Variants in NDST4 observed in about 807,000 individuals in gnomAD.
NDST4 encodes the protein N-heparan sulfate sulfotransferase 4.
A neutral mutation model predicts 100.8 loss-of-function variants in NDST4; 63 were observed. The observed-to-expected ratio is 0.62, with a 90% confidence interval of 0.51 to 0.77. NDST4 has a LOEUF of 0.77. Among genes scored for constraint, NDST4 ranks in the 30% least tolerant of loss-of-function variants. The pLI, the probability that NDST4 is intolerant of heterozygous loss-of-function variation, is 0.00. For synonymous variants in NDST4, 377 were observed against 361.8 expected (o/e 1.04, Z -0.48); for missense variants, 943 against 1,018.4 (o/e 0.93, Z 1.01).
At chr4:114,923,136 T>C (rs1178827008) in intron 6 of NDST4, among the ~76,000 whole-genome samples, 5 of 152,226 alleles carry the variant, frequency 3.3e-5, no homozygotes, top group Non-Finnish European at 7.3e-5. Flanking sequence ...TCACCATTAT[T>C]TAGCATTTAC....
intron 2 of NDST4, among the ~76,000 whole-genome samples, chr4:114,998,544 A>G (rs1727214549): frequency 6.6e-6 from 1 of 152,096 alleles, no homozygotes; most frequent in African/African-American, 2.4e-5. Context: ...AAGAAAACAG[A>G]TTCTGGGCAA....
intron 7 of NDST4, among the ~76,000 whole-genome samples, chr4:114,857,917 A>G (rs1010273718): frequency 6.6e-6 from 1 of 152,064 alleles, no homozygotes; most frequent in Non-Finnish European, 1.5e-5. Flanking sequence ...TGTATTATAC[A>G]TTAATGTACA....
intron 6 of NDST4, among the ~76,000 whole-genome samples, chr4:114,933,432 C>CTTTTTTTTT (rs367931653): frequency 9.0e-5 from 8 of 89,246 alleles, no homozygotes; most frequent in African/African-American, 2.3e-4. Context: ...TTTTCTTTTC[C>CTTTTTTTTT]TTTTTTTTTT....
intron 2 of NDST4, among the ~76,000 whole-genome samples, chr4:115,039,658 C>T (rs1728307866): frequency 6.6e-6 from 1 of 152,030 alleles, no homozygotes; most frequent in African/African-American, 2.4e-5. Flanking sequence ...TACACCATGT[C>T]CCATGTCTCT....
At chr4:114,981,220 A>T (rs772877560) in intron 2 of NDST4, among the ~76,000 whole-genome samples, 3 of 25,274 alleles carry the variant, frequency 1.2e-4, no homozygotes, top group African/African-American at 6.1e-4. Context: ...AAAGGATGGA[A>T]GGAAGGAAGG....
chr4:114,951,181 T>G (rs1725981764), intron 4 of NDST4, among the ~76,000 whole-genome samples: 1 of 152,120 alleles, frequency 6.6e-6, no homozygotes, highest in African/African-American at 2.4e-5. Context: ...TTTCAAAGAT[T>G]CACGTGTTCA....
rs796235650 is a variant in NDST4, at chr4:114,924,456, G to GA, written c.1536+10749dup. Among the ~76,000 whole-genome samples, 143 of 142,856 alleles carry GA rather than the reference G, an allele frequency of 1.0e-3. No homozygotes were observed. The Middle Eastern group carries it at 0.015, about 15-fold the overall frequency. 93.7% of individuals were successfully genotyped at this position (142,856 alleles called of 152,430 possible). ...ATAGAAAAAAAAAAAGAAGATAAAG[G>GA]AAAAAAAAAAAGGTGACTGTAGGTC... is the stretch of plus-strand genomic sequence containing the variant. On this transcript the variant is annotated intron_variant, in intron 6 of 13. Coordinates refer to ENST00000264363, the MANE Select transcript of NDST4 (RefSeq NM_022569.3).
chr4:114,961,635 C>T (rs11098276), intron 4 of NDST4, among the ~76,000 whole-genome samples: 90,643 of 151,766 alleles, frequency 0.6, 27,885 homozygotes, highest in Non-Finnish European at 0.68. Flanking sequence ...CTGAAATTGA[C>T]TCAAATGGAG....
In NDST4 at chr4:115,019,693, A is replaced by G. The variant is rs1727766827; in HGVS notation, c.979-42419T>C. Reference sequence around the variant, plus strand: ...CCTCAAAAACCCATGTTGCAATTTAATTACCATTGTAATGGAATAAAGGAT... The same window carrying G: ...CCTCAAAAACCCATGTTGCAATTTAGTTACCATTGTAATGGAATAAAGGAT... On this transcript the variant is annotated intron_variant, in intron 2 of 13. Transcript: ENST00000264363. 2.0e-5 allele frequency among the ~76,000 whole-genome samples: 3 copies of G among 152,154 alleles called. No homozygotes were observed. In the South Asian group the frequency reaches 6.2e-4, roughly 32 times the overall value.
chr4:115,012,456 G>T lies in NDST4; in HGVS notation c.979-35182C>A, dbSNP rs1032050039. On this transcript the variant is annotated intron_variant, in intron 2 of 13. Transcript: ENST00000264363. ...GTAAAACTATCATTCCAACACCATG[G>T]CTTAAGTGACCTCACTTGTGCTCTT... Among the ~76,000 whole-genome samples the T allele has an allele frequency of 2.0e-5, 3 of 151,838 alleles. No individual in the cohort carries two copies. The South Asian group carries it at 6.2e-4, about 32-fold the overall frequency.
intron 2 of NDST4, among the ~76,000 whole-genome samples, chr4:115,025,823 A>G (rs576889195): frequency 2.0e-5 from 3 of 152,186 alleles, no homozygotes; most frequent in African/African-American, 7.2e-5. Context: ...TCCAAGGTAC[A>G]TATCTATGCG....
chr4:114,833,439 T>C, intron 12 of NDST4, among the ~76,000 whole-genome samples, 167 bp downstream of exon 12: 1 of 152,232 alleles, frequency 6.6e-6, no homozygotes. Context: ...TTCTCATATT[T>C]AAAAGAGAAA....
At chr4:114,879,248 C>A (rs1172810391) in intron 6 of NDST4, among the ~76,000 whole-genome samples, 2 of 152,102 alleles carry the variant, frequency 1.3e-5, no homozygotes, top group South Asian at 2.1e-4. Context: ...CCAGGCTGTG[C>A]AATAGGAAAC....
intron 12 of NDST4, among the ~76,000 whole-genome samples, chr4:114,833,139 C>A (rs993597297): frequency 6.6e-6 from 1 of 152,224 alleles, no homozygotes; most frequent in African/African-American, 2.4e-5. Context: ...CAATAAATAG[C>A]TGGAACAGTA....
intron 12 of NDST4, 125 bp from the exon 13 acceptor site, chr4:114,830,017 G>T (rs754750885): frequency 1.0e-5 from 7 of 688,424 alleles, no homozygotes; most frequent in Non-Finnish European, 1.7e-5. Context: ...CATTTTTACA[G>T]ATATTTATTT....
chr4:115,014,788 A>G (rs112653552), intron 2 of NDST4, among the ~76,000 whole-genome samples: 10,421 of 152,012 alleles, frequency 0.069, 1,161 homozygotes, highest in African/African-American at 0.23. Flanking sequence ...TAACTACTCT[A>G]CTTTTGGAAA....
At chr4:115,094,627 G>A (rs1729584862) in intron 1 of NDST4, among the ~76,000 whole-genome samples, 1 of 152,074 alleles carries the variant, frequency 6.6e-6, no homozygotes, top group South Asian at 2.1e-4. Context: ...CTAACCCCCA[G>A]TATCTCAGAA....
At chr4:115,071,469 C>T (rs1318729242) in intron 2 of NDST4, among the ~76,000 whole-genome samples, 1 of 152,018 alleles carries the variant, frequency 6.6e-6, no homozygotes, top group African/African-American at 2.4e-5. Flanking sequence ...TCTTGCTTTC[C>T]TTAATTTGTT....
At chr4:115,008,561 C>G (rs1161177287) in intron 2 of NDST4, among the ~76,000 whole-genome samples, 1 of 129,016 alleles carries the variant, frequency 7.8e-6, no homozygotes, top group Non-Finnish European at 1.7e-5. Context: ...CTATCTATGA[C>G]AAACCCACAG....
Sources: allele counts gnomAD v4.1 joint callset (sites outside exome capture counted in the v4.1 genomes callset), GRCh38; gene constraint gnomAD v4.1.1; transcripts MANE v1.5; gene names NCBI Gene and HGNC (gene_info 2026-07-23, HGNC 2026-07-21).